NAV2: variants seen among roughly 807,000 people sequenced by gnomAD.
NAV2 encodes the protein helicase, APC down-regulated 1.
In NAV2, 54 loss-of-function variants were observed where a neutral mutation model predicts 223.2. The ratio of observed to expected loss-of-function variants is 0.24; its 90% CI spans 0.19 to 0.30. NAV2 has a LOEUF of 0.30. Ranked by LOEUF, NAV2 falls within the 10% of genes least tolerant of loss-of-function variation. The pLI, the probability that NAV2 is intolerant of heterozygous loss-of-function variation, is 1.00. For synonymous variants in NAV2, 1,279 were observed against 1,239.3 expected, an observed-to-expected ratio of 1.03 and a Z score of -0.67; for missense variants, 2,806 against 3,147.5, an observed-to-expected ratio of 0.89 and a Z score of 2.60.
chr11:19,389,193 T>G (rs1935499046), intron 1 of NAV2, among the ~76,000 whole-genome samples: 1 of 152,242 alleles, frequency 6.6e-6, no homozygotes, highest in South Asian at 2.1e-4. Context: ...ACTGGCTTGC[T>G]GTCCATCCTG....
intron 11 of NAV2, 113 bp downstream of exon 11, chr11:19,984,360 G>T: frequency 6.6e-7 from 1 of 1,513,456 alleles, no homozygotes; most frequent in Non-Finnish European, 9.0e-7. Flanking sequence ...CCACAGAGAG[G>T]GAGGGGAGGC....
At chr11:19,740,343 T>A (rs2052686116) in intron 1 of NAV2, among the ~76,000 whole-genome samples, 1 of 152,136 alleles carries the variant, frequency 6.6e-6, no homozygotes, top group African/African-American at 2.4e-5. Flanking sequence ...TGTGCTTTGT[T>A]AAACAGATGC....
chr11:19,484,390 G>A (rs184543968), intron 1 of NAV2, among the ~76,000 whole-genome samples: 11 of 152,338 alleles, frequency 7.2e-5, no homozygotes, highest in African/African-American at 2.6e-4. Flanking sequence ...AGCTCTGGCT[G>A]TTAGAAAGCA....
chr11:19,818,947 C>T (rs916648880), intron 1 of NAV2, among the ~76,000 whole-genome samples: 2 of 152,186 alleles, frequency 1.3e-5, no homozygotes, highest in Admixed American at 6.5e-5. Context: ...AATCATTCAT[C>T]TCTTTTTTTC....
At chr11:19,821,642 T>C (rs867769006) in intron 1 of NAV2, among the ~76,000 whole-genome samples, 1 of 152,196 alleles carries the variant, frequency 6.6e-6, no homozygotes, top group Admixed American at 6.5e-5. Context: ...TGGTAACTCA[T>C]GTTATATTGG....
chr11:19,506,551 T>C (rs556768765), intron 1 of NAV2: 1 of 152,328 alleles, frequency 6.6e-6, no homozygotes, highest in East Asian at 1.9e-4. Flanking sequence ...AGAAATAATA[T>C]TGGTCCCAGT....
At chr11:19,901,776 T>C (rs924699529) in intron 6 of NAV2, among the ~76,000 whole-genome samples, 1 of 152,222 alleles carries the variant, frequency 6.6e-6, no homozygotes, top group African/African-American at 2.4e-5. Flanking sequence ...ATAGGTCTTA[T>C]TTTCTTTTGG....
chr11:20,023,697 T>TGG lies in NAV2; in HGVS notation c.2769-12260_2769-12259dup, dbSNP rs1554902314. Among the ~76,000 whole-genome samples, 347 of 95,074 alleles carry TGG rather than the reference T, an allele frequency of 3.6e-3. 3 individuals are homozygous for TGG. Among genetic ancestry groups the TGG allele is most frequent in the African/African-American group, 0.011 (297 of 26,172 alleles). The allele number at this position is 95,074 out of a possible 152,430, so 62.4% of individuals were successfully genotyped here. ...TGGTTGTGTTTATACAGCAAATTGC[T>TGG]GGGTGTGTGTGTGTGTGTGTGTGTG... On this transcript the variant is annotated intron_variant, in intron 11 of 37. Coordinates refer to ENST00000349880, the MANE Select transcript of NAV2 (RefSeq NM_145117.5).
intron 1 of NAV2, among the ~76,000 whole-genome samples, chr11:19,695,241 A>G (rs2049296247): frequency 6.6e-6 from 1 of 152,238 alleles, no homozygotes; most frequent in Admixed American, 6.5e-5. Flanking sequence ...AACATGACAT[A>G]GTGGGAAAGA....
At chr11:19,548,934 A>G (rs1405214065) in intron 1 of NAV2, among the ~76,000 whole-genome samples, 2 of 151,626 alleles carry the variant, frequency 1.3e-5, no homozygotes, top group Non-Finnish European at 2.9e-5. Flanking sequence ...TAAACTTTTC[A>G]AAGCTATTAA....
Position 20,082,489 on chromosome 11 carries a change from T to A in NAV2, c.5326-518T>A, listed in dbSNP as rs1028691662. ...GTGTGGTGTTTATTATTAGCCATGTTGTGTCTGAAAGTCCGAAGCTTTCCC... is the reference window on the plus strand; with the variant it reads ...GTGTGGTGTTTATTATTAGCCATGTAGTGTCTGAAAGTCCGAAGCTTTCCC... On this transcript the variant is annotated intron_variant, in intron 25 of 37. Transcript: ENST00000349880. 4 of 1,116,762 alleles carry A rather than the reference T, an allele frequency of 3.6e-6. No individual in the cohort carries two copies. The African/African-American group carries it at 4.6e-5, about 13-fold the overall frequency. The allele number at this position is 1,116,762 out of a possible 1,614,324, so 69.2% of individuals were successfully genotyped here. A position where few individuals can be genotyped will look rare whatever the true frequency, so the allele number is the denominator to read the frequency against.
intron 1 of NAV2, among the ~76,000 whole-genome samples, chr11:19,792,035 G>A (rs900705013): frequency 1.1e-4 from 17 of 152,202 alleles, no homozygotes; most frequent in South Asian, 2.1e-4. Context: ...TGGGCATGGT[G>A]GGGGAGAGAA....
chr11:19,382,548 A>C (rs1017881262), intron 1 of NAV2, among the ~76,000 whole-genome samples: 8 of 152,184 alleles, frequency 5.3e-5, no homozygotes, highest in Admixed American at 3.9e-4. Context: ...CGGCAACAAC[A>C]GCTCTGTGGG....
chr11:19,758,872 T>A (rs572972594), intron 1 of NAV2, among the ~76,000 whole-genome samples: 1 of 152,144 alleles, frequency 6.6e-6, no homozygotes, highest in African/African-American at 2.4e-5. Flanking sequence ...GCAGAGCAAC[T>A]GCTTCTGCCC....
chr11:19,579,531 C>T (rs1467232611), intron 1 of NAV2, among the ~76,000 whole-genome samples: 1 of 152,192 alleles, frequency 6.6e-6, no homozygotes, highest in African/African-American at 2.4e-5. Context: ...CAAATCTTGA[C>T]CCTACTACTC....
intron 29 of NAV2, among the ~76,000 whole-genome samples, chr11:20,094,740 A>G (rs2061124543): frequency 6.6e-6 from 1 of 152,156 alleles, no homozygotes; most frequent in Non-Finnish European, 1.5e-5. Context: ...GAGACCCCAA[A>G]CATTACTTAT....
chr11:19,856,181 G>A (rs2061399056), intron 3 of NAV2, among the ~76,000 whole-genome samples: 2 of 152,292 alleles, frequency 1.3e-5, no homozygotes, highest in South Asian at 4.1e-4. Context: ...CTTCACAGGT[G>A]CATTTGGTAT....
At chr11:19,807,134 TG>T (rs548540056) in intron 1 of NAV2, among the ~76,000 whole-genome samples, 38 of 152,348 alleles carry the variant, frequency 2.5e-4, no homozygotes, top group Admixed American at 2.0e-3. Flanking sequence ...TTTCCTGCCA[TG>T]GGGGTAAATG....
In NAV2 at chr11:20,054,037, G is replaced by T. The variant is rs745782101; in HGVS notation, c.4482-43G>T. The T allele has an allele frequency of 3.8e-6, 6 of 1,591,592 alleles. No individual in the cohort carries two copies. In the South Asian group the frequency reaches 6.8e-5, roughly 18 times the overall value. On this transcript the variant is annotated intron_variant, in intron 17 of 37. Coordinates refer to ENST00000349880, the MANE Select transcript of NAV2 (RefSeq NM_145117.5). Reference sequence around the variant, plus strand: ...AGCTCCACAGAGTTCATTTTAATAAGCATTGTTCATAGTTAATTCCGGCTT... The same window carrying T: ...AGCTCCACAGAGTTCATTTTAATAATCATTGTTCATAGTTAATTCCGGCTT...
Sources: gnomAD v4.1 joint callset for allele counts (sites outside exome capture counted in the v4.1 genomes callset) on GRCh38, gnomAD v4.1.1 for gene constraint, MANE v1.5 for transcripts, NCBI Gene and HGNC (gene_info 2026-07-23, HGNC 2026-07-21) for gene names.